MAGI2: variants seen among roughly 807,000 people sequenced by gnomAD.
MAGI2 encodes membrane-associated guanylate kinase, WW and PDZ domain-containing protein 2.
A neutral mutation model predicts 133.3 loss-of-function variants in MAGI2; 35 were observed. That is an observed-to-expected ratio of 0.26 (90% confidence interval 0.20 to 0.35). The LOEUF is 0.35. Among genes scored for constraint, MAGI2 ranks in the 10% least tolerant of loss-of-function variants. The pLI is 1.00. For missense variants in MAGI2, 1,636 were observed against 1,863.4 expected (o/e 0.88, Z 2.25); for synonymous variants, 729 against 710.6 (o/e 1.03, Z -0.41).
intron 6 of MAGI2, among the ~76,000 whole-genome samples, chr7:78,442,433 C>T (rs1787722734): frequency 6.6e-6 from 1 of 152,104 alleles, no homozygotes; most frequent in South Asian, 2.1e-4. Flanking sequence ...ACAAGGTGAT[C>T]CCTAGAATGA....
chr7:79,004,695 A>G (rs1807255550), intron 2 of MAGI2, among the ~76,000 whole-genome samples: 1 of 152,224 alleles, frequency 6.6e-6, no homozygotes, highest in Non-Finnish European at 1.5e-5. Flanking sequence ...CTATGCATGT[A>G]ACAAAATAAA....
intron 2 of MAGI2, among the ~76,000 whole-genome samples, chr7:79,002,097 A>G (rs541857760): frequency 6.6e-6 from 1 of 151,456 alleles, no homozygotes; most frequent in South Asian, 2.1e-4. Flanking sequence ...ATCTAATCGT[A>G]GAAAGATTCA....
intron 2 of MAGI2, among the ~76,000 whole-genome samples, chr7:78,735,209 T>C (rs1821733426): frequency 6.6e-6 from 1 of 152,182 alleles, no homozygotes; most frequent in Non-Finnish European, 1.5e-5. Context: ...AAAAATTACA[T>C]TATAATGTAT....
At chr7:78,369,309 T>TGCCA (rs1793691652) in intron 6 of MAGI2, 96 bp from the exon 7 acceptor site, 1 of 848,736 alleles carries the variant, frequency 1.2e-6, no homozygotes, top group African/African-American at 1.7e-5. Flanking sequence ...AGAAATGGTC[T>TGCCA]GCCAAAGTGG....
chr7:79,136,068 GGAAAGAAAGAAAGAAAGAAA>G lies in MAGI2; in HGVS notation c.302-128882_302-128863del, dbSNP rs368094018. 1.8e-3 allele frequency among the ~76,000 whole-genome samples: 168 copies of G among 94,654 alleles called. No homozygotes were observed. The Middle Eastern group carries it at 0.021, about 12-fold the overall frequency. 62.1% of individuals were successfully genotyped at this position (94,654 alleles called of 152,430 possible). ...AAGAAGGAAAGAAAGAAAGAAAGAAGGAAAGAAAGAAAGAAAGAAAGAAAGAAAGAAAGAAAGAAAGAAAG... is the reference window on the plus strand; with the variant it reads ...AAGAAGGAAAGAAAGAAAGAAAGAAGGAAAGAAAGAAAGAAAGAAAGAAAG... On this transcript the variant is annotated intron_variant, in intron 1 of 21. Transcript: ENST00000354212.
intron 1 of MAGI2, among the ~76,000 whole-genome samples, chr7:79,214,399 CTCTCTCTCTATATATATATATATA>C (rs1242607842): frequency 2.8e-5 from 2 of 72,168 alleles, no homozygotes; most frequent in African/African-American, 1.3e-4. Context: ...CTCTCTCTCT[CTCTCTCTCTATATATATATATATA>C]TATATATATA....
At chr7:78,045,018 T>G (rs917352627) in intron 21 of MAGI2, among the ~76,000 whole-genome samples, 1 of 151,994 alleles carries the variant, frequency 6.6e-6, no homozygotes, top group Non-Finnish European at 1.5e-5. Context: ...AATACAAAAA[T>G]TAGTCGGGCG....
At chr7:79,256,795 T>C (rs1288401753) in intron 1 of MAGI2, among the ~76,000 whole-genome samples, 1 of 151,968 alleles carries the variant, frequency 6.6e-6, no homozygotes, top group Non-Finnish European at 1.5e-5. Context: ...CCCGCAAAAA[T>C]ATCTTTAAAA....
At chr7:78,205,399 TG>T (rs1202826909) in intron 10 of MAGI2, among the ~76,000 whole-genome samples, 1 of 152,248 alleles carries the variant, frequency 6.6e-6, no homozygotes, top group Non-Finnish European at 1.5e-5. Flanking sequence ...CCCAAAGTGC[TG>T]GGATTACAGA....
chr7:78,955,308 T>A (rs897769018), intron 2 of MAGI2, among the ~76,000 whole-genome samples: 1 of 152,072 alleles, frequency 6.6e-6, no homozygotes, highest in African/African-American at 2.4e-5. Flanking sequence ...TATTTACATA[T>A]ATCATGGGAC....
chr7:79,123,085 C>T (rs964354145), intron 1 of MAGI2, among the ~76,000 whole-genome samples: 2 of 152,174 alleles, frequency 1.3e-5, no homozygotes, highest in Admixed American at 6.5e-5. Flanking sequence ...TACCTATTTG[C>T]TCCTAAAGAA....
At chr7:78,569,394 T>G (rs1801275750) in intron 3 of MAGI2, among the ~76,000 whole-genome samples, 1 of 152,192 alleles carries the variant, frequency 6.6e-6, no homozygotes, top group Non-Finnish European at 1.5e-5. Context: ...TTGAATTTGC[T>G]ACATGCATGT....
At chr7:79,337,844 C>A (rs1411479704) in intron 1 of MAGI2, among the ~76,000 whole-genome samples, 2 of 151,968 alleles carry the variant, frequency 1.3e-5, no homozygotes, top group Admixed American at 6.6e-5. Flanking sequence ...GTAATTGAAC[C>A]CTTAATTGTG....
rs1456878180 is a variant in MAGI2 at position 78,343,903 on chromosome 7, G to A, written c.1283C>T (p.Thr428Ile). ...AAAGCCCATGTTGCTCTTTTTTAGG[G>A]TGGTGCTGAGGAATGTTCCCTTCAA... is the stretch of plus-strand genomic sequence containing the variant. ...SQLKGTFLSTTLKKSNMGFGF... is the reference protein window; with the variant it reads ...SQLKGTFLSTILKKSNMGFGF... Residue 428 changes from threonine to isoleucine, a missense_variant, in exon 9 of 22, where the codon ACC (threonine) becomes ATC (isoleucine). Around this residue, in one of 5 missense-constraint regions of MAGI2, gnomAD observed 920 missense variants for 1,093.5 expected, o/e 0.84. Coordinates refer to ENST00000354212, the MANE Select transcript of MAGI2 (RefSeq NM_012301.4). 1.2e-6 allele frequency: 2 copies of A among 1,613,128 alleles called. No homozygotes were observed. The highest frequency in any genetic ancestry group is 1.7e-6 in the Non-Finnish European group (2 of 1,179,694).
chr7:79,427,066 G>T (rs1847426542), intron 1 of MAGI2, among the ~76,000 whole-genome samples: 1 of 152,138 alleles, frequency 6.6e-6, no homozygotes. Context: ...GGATATAAAT[G>T]TATTGTACGT....
chr7:78,884,158 A>G (rs956151187), intron 2 of MAGI2, among the ~76,000 whole-genome samples: 13 of 152,140 alleles, frequency 8.5e-5, no homozygotes, highest in Non-Finnish European at 1.5e-5. Context: ...GAACAAAACA[A>G]GCAAAAAACC....
At chr7:78,392,147 T>A (rs772779710) in intron 6 of MAGI2, among the ~76,000 whole-genome samples, 17 of 152,174 alleles carry the variant, frequency 1.1e-4, no homozygotes, top group Non-Finnish European at 2.2e-4. Context: ...CGTAAAAGTA[T>A]CCACGGGTAA....
chr7:79,187,489 AG>A (rs1827270631), intron 1 of MAGI2, among the ~76,000 whole-genome samples: 1 of 151,796 alleles, frequency 6.6e-6, no homozygotes. Flanking sequence ...TGAATCACCA[AG>A]GAACTTCATC....
At chr7:78,502,039 T>A (rs1249306229) in intron 4 of MAGI2, among the ~76,000 whole-genome samples, 1 of 152,170 alleles carries the variant, frequency 6.6e-6, no homozygotes, top group African/African-American at 2.4e-5. Context: ...GTAAGGACCA[T>A]TTCATAATAC....
Sources: allele counts gnomAD v4.1 joint callset (sites outside exome capture counted in the v4.1 genomes callset), GRCh38; gene constraint gnomAD v4.1.1; regional missense constraint gnomAD v4.1.1; transcripts MANE v1.5; gene names NCBI Gene and HGNC (gene_info 2026-07-23, HGNC 2026-07-21).